The following PPARGC1A variants were observed in gnomAD, a reference collection of about 807,000 sequenced individuals.
The protein encoded by PPARGC1A is PPARG coactivator 1 alpha.
PPARGC1A carries 25 observed loss-of-function variants against 88.7 expected under a neutral mutation model. The ratio of observed to expected loss-of-function variants is 0.28; its 90% CI spans 0.21 to 0.39. PPARGC1A has a LOEUF of 0.39. PPARGC1A is among the 10% of genes least tolerant of loss of function. The probability of loss-of-function intolerance (pLI) is 1.00; values close to 1 mark genes in which losing one functional copy is unlikely to be tolerated. For missense variants in PPARGC1A, 880 were observed against 968.7 expected (o/e 0.91, Z 1.22); for synonymous variants, 363 against 355.6 (o/e 1.02, Z -0.24).
At chr4:24,202,320 T>C in the PPARGC1A span, among the ~76,000 whole-genome samples, 2 of 152,216 alleles carry the variant, frequency 1.3e-5, no homozygotes, top group African/African-American at 4.8e-5. Flanking sequence ...AGCTGCTTCA[T>C]ATAGCCTGCC....
chr4:24,299,356 C>G, the PPARGC1A span, among the ~76,000 whole-genome samples: 1 of 151,994 alleles, frequency 6.6e-6, no homozygotes, highest in East Asian at 1.9e-4. Context: ...TATATATTAA[C>G]ATCACAATGT....
chr4:24,422,681 G>T, the PPARGC1A span, among the ~76,000 whole-genome samples: 3 of 149,890 alleles, frequency 2.0e-5, no homozygotes, highest in Non-Finnish European at 4.4e-5. Flanking sequence ...ACCATATAAG[G>T]CAAGCCCTTC....
chr4:23,937,657 T>C, the PPARGC1A span, among the ~76,000 whole-genome samples: 2 of 150,960 alleles, frequency 1.3e-5, no homozygotes, highest in Non-Finnish European at 2.9e-5. Flanking sequence ...TAGAAATGTA[T>C]TGTTCAATTT....
At chr4:24,305,129 G>GTATA in the PPARGC1A span, among the ~76,000 whole-genome samples, 99 of 58,954 alleles carry the variant, frequency 1.7e-3, 2 homozygotes, top group East Asian at 0.054. Context: ...ACATATATGT[G>GTATA]TATGTATATA....
the PPARGC1A span, among the ~76,000 whole-genome samples, chr4:24,190,408 G>A: frequency 6.6e-6 from 1 of 152,020 alleles, no homozygotes; most frequent in Non-Finnish European, 1.5e-5. Context: ...CCAGCTACTC[G>A]GGAAGCTGAG....
chr4:24,071,521 A>C, the PPARGC1A span, among the ~76,000 whole-genome samples: 3 of 151,894 alleles, frequency 2.0e-5, no homozygotes, highest in Admixed American at 2.0e-4. Flanking sequence ...AATCTGGGTC[A>C]ATTTTATAAG....
chr4:24,426,022 A>C, the PPARGC1A span, among the ~76,000 whole-genome samples: 6 of 152,238 alleles, frequency 3.9e-5, no homozygotes. Context: ...GACTAATTCA[A>C]ATTCCAGCCC....
chr4:24,447,973 G>A, the PPARGC1A span, among the ~76,000 whole-genome samples: 1 of 152,080 alleles, frequency 6.6e-6, no homozygotes. Context: ...AACACCAGAG[G>A]GTTCCCAAGA....
chr4:24,082,251 A>T, the PPARGC1A span, among the ~76,000 whole-genome samples: 3 of 152,174 alleles, frequency 2.0e-5, no homozygotes, highest in Non-Finnish European at 1.5e-5. Flanking sequence ...GTGAGCATTT[A>T]AACAGATCAT....
chr4:24,205,416 C>A, the PPARGC1A span, among the ~76,000 whole-genome samples: 43 of 152,028 alleles, frequency 2.8e-4, no homozygotes, highest in Non-Finnish European at 5.3e-4. Flanking sequence ...AGAGTCAAGA[C>A]CAGAAGGAAG....
At chr4:24,404,082 T>A in the PPARGC1A span, among the ~76,000 whole-genome samples, 1 of 151,724 alleles carries the variant, frequency 6.6e-6, no homozygotes, top group African/African-American at 2.4e-5. Context: ...GCTAACATGG[T>A]GAAACCCTGT....
At chr4:23,950,485 T>A in the PPARGC1A span, among the ~76,000 whole-genome samples, 2 of 152,154 alleles carry the variant, frequency 1.3e-5, no homozygotes. Flanking sequence ...CTGATCATGA[T>A]GAAGCCTCTC....
the PPARGC1A span, among the ~76,000 whole-genome samples, chr4:24,389,218 T>C: frequency 6.6e-6 from 1 of 152,336 alleles, no homozygotes; most frequent in Non-Finnish European, 1.5e-5. Flanking sequence ...ATCAGTCTGT[T>C]GTTAACAGGC....
At chr4:24,206,810 C>T in the PPARGC1A span, among the ~76,000 whole-genome samples, 1 of 120,842 alleles carries the variant, frequency 8.3e-6, no homozygotes, top group Non-Finnish European at 1.6e-5. Flanking sequence ...CACTGCATTC[C>T]AGTCTGGGTG....
the PPARGC1A span, among the ~76,000 whole-genome samples, chr4:24,267,592 G>A: frequency 1.3e-5 from 2 of 152,186 alleles, no homozygotes; most frequent in Admixed American, 1.3e-4. Context: ...GAATGACTTG[G>A]GGTGAGAAGA....
the PPARGC1A span, among the ~76,000 whole-genome samples, chr4:23,972,947 G>T: frequency 6.6e-6 from 1 of 152,170 alleles, no homozygotes; most frequent in Non-Finnish European, 1.5e-5. Context: ...GTGTGCCAGT[G>T]ATGTTAGTTT....
chr4:24,153,806 A>G, the PPARGC1A span, among the ~76,000 whole-genome samples: 1 of 152,152 alleles, frequency 6.6e-6, no homozygotes, highest in African/African-American at 2.4e-5. Context: ...CTATCACTGC[A>G]AGTTGGAAAC....
upstream of PPARGC1A, among the ~76,000 whole-genome samples, chr4:23,891,736 T>C (rs1717871245): frequency 2.0e-5 from 3 of 152,212 alleles, no homozygotes; most frequent in South Asian, 2.1e-4. Flanking sequence ...CCAGCACATT[T>C]TCCCTTTTAT....
the PPARGC1A span, among the ~76,000 whole-genome samples, chr4:24,455,028 C>T: frequency 2.6e-5 from 4 of 152,136 alleles, no homozygotes; most frequent in East Asian, 3.9e-4. Flanking sequence ...ATGAAATACA[C>T]GAGAGAAGTC....
Sources: gnomAD v4.1 joint callset for allele counts (sites outside exome capture counted in the v4.1 genomes callset) on GRCh38, gnomAD v4.1.1 for gene constraint, MANE v1.5 for transcripts, NCBI Gene and HGNC (gene_info 2026-07-23, HGNC 2026-07-21) for gene names.